The following TET3 variants were observed in gnomAD, a reference collection of about 807,000 sequenced individuals.
The protein encoded by TET3 is tet methylcytosine dioxygenase 3.
Under a neutral mutation model 141.4 loss-of-function variants are expected in TET3, and 19 were observed. The observed-to-expected ratio is 0.13, with a 90% CI of 0.09 to 0.20. The LOEUF is 0.20. TET3 is among the 10% of genes least tolerant of loss of function. TET3 has a pLI of 1.00. For missense variants in TET3, 1,874 were observed against 2,356.9 expected (o/e 0.80, Z 4.24); for synonymous variants, 1,043 against 980.9 (o/e 1.06, Z -1.18).
chr2:73,988,912 AC>A (rs957534419), intron 2 of TET3, among the ~76,000 whole-genome samples: 4 of 135,774 alleles, frequency 2.9e-5, no homozygotes, highest in Admixed American at 7.3e-5. Flanking sequence ...TAGAAATTAG[AC>A]CTTTTTTTTT....
intron 5 of TET3, 78 bp from the exon 6 acceptor site, chr2:74,080,418 ACT>A: frequency 5.6e-6 from 7 of 1,255,940 alleles, no homozygotes; most frequent in Non-Finnish European, 8.0e-6. Flanking sequence ...ACAAAAGCAC[ACT>A]GAGGCTGTCT....
At chr2:74,079,848 C>T (rs918974333) in intron 5 of TET3, among the ~76,000 whole-genome samples, 4 of 152,152 alleles carry the variant, frequency 2.6e-5, no homozygotes, top group African/African-American at 7.2e-5. Flanking sequence ...GCCATAGTTG[C>T]ACCATCTCTG....
rs1331196926 is a variant in TET3 at position 74,048,155 on chromosome 2, G to A, written c.2238G>A (p.Glu746=). The change falls in exon 4 of 12, where the codon GAG becomes GAA. Residue 746 remains glutamate, a synonymous_variant. Transcript: ENST00000409262. The part of the protein sequence containing the change: ...ENQQTCLPAP[E]SPFATRSPKQ... ...AGCAAACATGTCTCCCAGCCCCTGAGAGCCCCTTTGCTACCCGTTCCCCCA... is the reference window on the plus strand; with the variant it reads ...AGCAAACATGTCTCCCAGCCCCTGAAAGCCCCTTTGCTACCCGTTCCCCCA... 3 of 1,612,736 alleles carry A rather than the reference G, an allele frequency of 1.9e-6. No individual in the cohort carries two copies. Among genetic ancestry groups the A allele is most frequent in the East Asian group, 2.2e-5 (1 of 44,860 alleles).
intron 7 of TET3, 150 bp downstream of exon 7, chr2:74,088,188 G>GC (rs1022634613): frequency 4.8e-6 from 4 of 836,818 alleles, no homozygotes; most frequent in Non-Finnish European, 5.5e-6. Context: ...GTTGAGGAAG[G>GC]CATATCCACA....
chr2:74,080,942 G>T (rs72907189), intron 6 of TET3, among the ~76,000 whole-genome samples: 3 of 152,202 alleles, frequency 2.0e-5, no homozygotes, highest in Admixed American at 6.5e-5. Context: ...TGGGGATGCT[G>T]TCATGACCCG....
Position 74,047,118 on chromosome 2 carries a change from C to A in TET3, c.1201C>A (p.Leu401Ile). Residue 401 changes from leucine to isoleucine, a missense_variant, in exon 4 of 12, where the codon CTC (leucine) becomes ATC (isoleucine). Transcript: ENST00000409262. Reference sequence around the variant, plus strand: ...CCCTTTCAGATCTCCCCAGTCTTACCTCCGGGCTCCCTCATGGCCTGTGGT... The same window carrying A: ...CCCTTTCAGATCTCCCCAGTCTTACATCCGGGCTCCCTCATGGCCTGTGGT... Reference protein sequence around the residue: ...PAPFRSPQSYLRAPSWPVVPP... With the variant: ...PAPFRSPQSYIRAPSWPVVPP... 2 of 1,613,972 alleles carry A rather than the reference C, an allele frequency of 1.2e-6. No homozygotes were observed. The highest frequency in any genetic ancestry group is 1.7e-6 in the Non-Finnish European group (2 of 1,179,870).
intron 2 of TET3, among the ~76,000 whole-genome samples, chr2:73,995,739 G>A (rs943823625): frequency 6.6e-6 from 1 of 152,172 alleles, no homozygotes; most frequent in Non-Finnish European, 1.5e-5. Flanking sequence ...CAGCCTTAGA[G>A]TGACCCTGTG....
Position 73,992,313 on chromosome 2 carries a change from T to TTTCTTTTTTTTCTTTCTTTTTTTG in TET3, c.303+5609_303+5610insCTTTTTTTTCTTTCTTTTTTTGTT, listed in dbSNP as rs1553411624. Among the ~76,000 whole-genome samples, 436 of 151,460 alleles carry TTTCTTTTTTTTCTTTCTTTTTTTG rather than the reference T, an allele frequency of 2.9e-3. 3 individuals are homozygous for TTTCTTTTTTTTCTTTCTTTTTTTG. The highest frequency in any genetic ancestry group is 0.01 in the African/African-American group (415 of 41,066). On this transcript the variant is annotated intron_variant, in intron 2 of 11. Transcript: ENST00000409262. ...CAATCTTTTTTTCTTTTCTTTTTTT[T>TTTCTTTTTTTTCTTTCTTTTTTTG]TTTTGTTTTGTTTTGTTTGAGATGG...
intron 6 of TET3, among the ~76,000 whole-genome samples, chr2:74,080,991 C>T (rs1391554042): frequency 6.6e-6 from 1 of 152,172 alleles, no homozygotes; most frequent in African/African-American, 2.4e-5. Context: ...CTCCTTGTCC[C>T]CTTCCATGTG....
intron 2 of TET3, among the ~76,000 whole-genome samples, chr2:73,995,539 T>G (rs1684549459): frequency 6.6e-6 from 1 of 152,190 alleles, no homozygotes; most frequent in Admixed American, 6.5e-5. Context: ...CCCTCTAATA[T>G]AGTTGCCATC....
chr2:74,118,395 A>C, the TET3 span, among the ~76,000 whole-genome samples: 1 of 152,242 alleles, frequency 6.6e-6, no homozygotes, highest in South Asian at 2.1e-4. Context: ...GATTCATCTT[A>C]AAAAGACAAT....
intron 3 of TET3, among the ~76,000 whole-genome samples, chr2:74,025,238 A>AT (rs1686272961): frequency 6.6e-6 from 1 of 151,530 alleles, no homozygotes; most frequent in South Asian, 2.1e-4. Context: ...AAAAAAAAAA[A>AT]AAAGTAAGTA....
rs1691345919 is a variant in TET3 at position 74,103,516 on chromosome 2, A to G, written c.*1340A>G. 6.6e-6 allele frequency: 1 copy of G among 152,016 alleles called. No homozygotes were observed. Among genetic ancestry groups the G allele is most frequent in the African/African-American group, 2.4e-5 (1 of 41,382 alleles). 9.4% of individuals were successfully genotyped at this position (152,016 alleles called of 1,614,324 possible). On this transcript the variant is annotated 3_prime_UTR_variant, in exon 12 of 12. Transcript: ENST00000409262. ...CAAACATTTTCAACAGGTTGCTATAATTTTCCTCCCTAATTGGTGCCATTT... is the reference window on the plus strand; with the variant it reads ...CAAACATTTTCAACAGGTTGCTATAGTTTTCCTCCCTAATTGGTGCCATTT...
At chr2:74,115,700 AATAG>A in the TET3 span, among the ~76,000 whole-genome samples, 1 of 152,108 alleles carries the variant, frequency 6.6e-6, no homozygotes, top group Admixed American at 6.5e-5. Flanking sequence ...ATTAAAAATA[AATAG>A]ATAAGCAAAC....
intron 3 of TET3, among the ~76,000 whole-genome samples, chr2:74,014,518 A>G (rs79166202): frequency 0.017 from 2,549 of 152,232 alleles, 68 homozygotes; most frequent in African/African-American, 0.057. Context: ...GGACCCTAGT[A>G]ATAGCTTACC....
At chr2:74,001,990 T>C (rs1684871366) in intron 2 of TET3, among the ~76,000 whole-genome samples, 1 of 150,664 alleles carries the variant, frequency 6.6e-6, no homozygotes, top group Admixed American at 6.6e-5. Flanking sequence ...GAGGTGTGGG[T>C]GTTTGTGTGT....
intron 10 of TET3, among the ~76,000 whole-genome samples, chr2:74,097,879 C>G (rs951827460): frequency 6.6e-6 from 1 of 152,120 alleles, no homozygotes; most frequent in African/African-American, 2.4e-5. Context: ...TTTGCTATCT[C>G]TGAGAATTAA....
At chr2:74,058,952 A>C (rs1387945118) in intron 4 of TET3, among the ~76,000 whole-genome samples, 1 of 152,212 alleles carries the variant, frequency 6.6e-6, no homozygotes, top group Non-Finnish European at 1.5e-5. Flanking sequence ...GACCAGGCTC[A>C]TTTGTTGATC....
chr2:74,101,358 G>A lies in TET3; in HGVS notation c.4570G>A (p.Ala1524Thr). The change falls in exon 12 of 12, where the codon GCC (alanine) becomes ACC (threonine). Residue 1524 changes from alanine to threonine, a missense_variant. This residue lies in a region of TET3 where 602 missense variants were observed against 590.2 expected (regional missense o/e 1.02). Transcript: ENST00000409262. This position sits in a 1 kb window ranked among gnomAD's most constrained non-coding sequence, Gnocchi z 8.5. ...SPCKFGNSTS[A>T]LAGPSLTEKP... ...CTGCAAGTTTGGGAACAGCACCTCG[G>A]CCTTGGCTGGGCCCAGCCTGACTGA... 1 of 1,613,934 alleles carries A rather than the reference G, an allele frequency of 6.2e-7. No individual in the cohort carries two copies. Among genetic ancestry groups the A allele is most frequent in the South Asian group, 1.1e-5 (1 of 91,080 alleles).
Sources: allele counts gnomAD v4.1 joint callset (sites outside exome capture counted in the v4.1 genomes callset), GRCh38; gene constraint gnomAD v4.1.1; regional missense constraint gnomAD v4.1.1; non-coding constraint Gnocchi (gnomAD v3.1); transcripts MANE v1.5; gene names NCBI Gene and HGNC (gene_info 2026-07-23, HGNC 2026-07-21).